Variants in ZNF608 observed in about 807,000 individuals in gnomAD.
The protein encoded by ZNF608 is renal carcinoma antigen NY-REN-36.
A neutral mutation model predicts 109.0 loss-of-function variants in ZNF608; 12 were observed. The ratio of observed to expected loss-of-function variants is 0.11; its 90% CI spans 0.07 to 0.18. The LOEUF (loss-of-function observed/expected upper bound fraction) is 0.18. ZNF608 is among the 10% of genes least tolerant of loss of function. ZNF608 has a pLI of 1.00. For synonymous variants in ZNF608, 732 were observed against 717.4 expected, an observed-to-expected ratio of 1.02 and a Z score of -0.33; for missense variants, 1,707 against 1,879.3, an observed-to-expected ratio of 0.91 and a Z score of 1.70.
intron 3 of ZNF608, among the ~76,000 whole-genome samples, chr5:124,697,998 C>T (rs750484774): frequency 3.9e-5 from 6 of 152,130 alleles, no homozygotes; most frequent in African/African-American, 1.4e-4. Context: ...ATACCAGGGA[C>T]GGGGTTTTAT....
In ZNF608 at chr5:124,637,258, C is replaced by G; in HGVS notation, c.*642G>C. The G allele has an allele frequency of 6.6e-6, 1 of 152,600 alleles. No individual in the cohort carries two copies. The highest frequency in any genetic ancestry group is 1.9e-4 in the East Asian group (1 of 5,200). The allele number at this position is 152,600 out of a possible 1,614,324, so 9.5% of individuals were successfully genotyped here. On this transcript the variant is annotated 3_prime_UTR_variant, in exon 10 of 10. Transcript: ENST00000513986. ...ATTTTAATCTTTACATTATATACAA[C>G]ACAGTTTTTGTGGTACTGGCAACCC...
intron 2 of ZNF608, among the ~76,000 whole-genome samples, chr5:124,732,996 T>A (rs949614632): frequency 2.0e-5 from 3 of 151,400 alleles, no homozygotes; most frequent in Admixed American, 6.6e-5. Context: ...GGCAGTTCTC[T>A]CCATTAAACA....
intron 2 of ZNF608, among the ~76,000 whole-genome samples, chr5:124,733,631 T>C (rs958013379): frequency 3.3e-5 from 5 of 152,190 alleles, no homozygotes; most frequent in African/African-American, 1.2e-4. Context: ...CAATCATTGC[T>C]ATTGTGAGCA....
intron 3 of ZNF608, among the ~76,000 whole-genome samples, chr5:124,690,006 C>T (rs180722398): frequency 6.6e-6 from 1 of 152,082 alleles, no homozygotes; most frequent in East Asian, 1.9e-4. Context: ...ACAAATAAAC[C>T]ATGATACATC....
At chr5:124,700,580 A>T (rs1463773409) in intron 3 of ZNF608, among the ~76,000 whole-genome samples, 1 of 152,242 alleles carries the variant, frequency 6.6e-6, no homozygotes, top group East Asian at 1.9e-4. Context: ...AATGATCCTC[A>T]CTATGTGCAA....
chr5:124,648,093 G>C lies in ZNF608; in HGVS notation c.2291C>G (p.Thr764Arg). The change falls in exon 5 of 10, where the codon ACA becomes AGA. Residue 764 changes from threonine (T) to arginine (R), a missense_variant. Physicochemically the swap from Thr to Arg is moderately conservative, Grantham distance 71. This residue lies in a region of ZNF608 where 1,073 missense variants were observed against 1,133.5 expected (regional missense o/e 0.95). Transcript: ENST00000513986. ...TATFTTTTTG[T>R]IPGLPSLTTT... ...TGTGAGGGAGGGCAGTCCGGGTATT[G>C]TCCCAGTGGTGGTCGTTGTAAAGGT... The C allele has an allele frequency of 6.2e-7, 1 of 1,614,012 alleles. No homozygotes were observed. The highest frequency in any genetic ancestry group is 8.5e-7 in the Non-Finnish European group (1 of 1,180,008).
chr5:124,649,574 A>G, intron 4 of ZNF608, 36 bp downstream of exon 4: 3 of 1,513,014 alleles, frequency 2.0e-6, no homozygotes, highest in Non-Finnish European at 1.8e-6. Flanking sequence ...CAAAGAGAGG[A>G]TGGGGAAGGA....
At position 124,744,360 on chromosome 5, in the gene ZNF608, G is replaced by T. The variant is rs760723371; in HGVS notation, c.630C>A (p.Ser210=). Residue 210 remains serine (S), a synonymous_variant, in exon 2 of 10, where the codon TCC becomes TCA. Coordinates refer to ENST00000513986, the MANE Select transcript of ZNF608 (RefSeq NM_020747.3). This position sits in a 1 kb window ranked among gnomAD's most constrained non-coding sequence, Gnocchi z 4.5. Reference sequence around the variant, plus strand: ...GAAGCAGGTCGTGCTTGTCCTTCCTGGATTTCCCCGCATCCTTATCCCGCT... The same window carrying T: ...GAAGCAGGTCGTGCTTGTCCTTCCTTGATTTCCCCGCATCCTTATCCCGCT... ...GAKRDKDAGK[S]RKDKHDLLQG... is the part of the protein sequence containing the mutation. 1.2e-5 allele frequency: 20 copies of T among 1,614,080 alleles called. 1 individual carries two copies. The highest frequency in any genetic ancestry group is 3.3e-5 in the Admixed American group (2 of 60,002).
In ZNF608 at chr5:124,729,299, C is replaced by T. The variant is rs59941681; in HGVS notation, c.906+14785G>A. ...CTGCAGTTTGGGAAGAACAGGCTAG[C>T]CCAGGCCTCCAAGAGCATCCCAGAG... On this transcript the variant is annotated intron_variant, in intron 2 of 9. Transcript: ENST00000513986. Among the ~76,000 whole-genome samples the T allele has an allele frequency of 3.3e-3, 501 of 152,308 alleles. 3 individuals are homozygous for T. Among genetic ancestry groups the T allele is most frequent in the African/African-American group, 0.012 (485 of 41,556 alleles).
At chr5:124,681,441 A>G (rs1752192545) in intron 3 of ZNF608, among the ~76,000 whole-genome samples, 1 of 152,166 alleles carries the variant, frequency 6.6e-6, no homozygotes, top group Non-Finnish European at 1.5e-5. Context: ...TGGGTGACAG[A>G]GCGAGACTCC....
chr5:124,727,289 T>G (rs1330730075), intron 2 of ZNF608, among the ~76,000 whole-genome samples: 2 of 152,202 alleles, frequency 1.3e-5, no homozygotes, highest in East Asian at 3.9e-4. Context: ...AATAAAAAAG[T>G]ATCACTGCTT....
In ZNF608 at chr5:124,746,209, T is replaced by C; in HGVS notation, c.-198A>G. The C allele has an allele frequency of 1.0e-6, 1 of 985,428 alleles. No individual in the cohort carries two copies. 61.0% of individuals were successfully genotyped at this position (985,428 alleles called of 1,614,324 possible). A position where few individuals can be genotyped will look rare whatever the true frequency, so the allele number is the denominator to read the frequency against. On this transcript the variant is annotated 5_prime_UTR_variant, in exon 1 of 10. Transcript: ENST00000513986. ...ACATTGCTTACCTTTTAATCCTTTA[T>C]CATTTTTTAATTAGGCCAGCAAATC...
At chr5:124,669,658 A>AACACACACACACACAC (rs56258363) in intron 3 of ZNF608, among the ~76,000 whole-genome samples, 2 of 148,156 alleles carry the variant, frequency 1.3e-5, no homozygotes, top group Admixed American at 6.7e-5. Flanking sequence ...AACACACACA[A>AACACACACACACACAC]ACACACACAC....
At chr5:124,742,126 C>T (rs1351612585) in intron 2 of ZNF608, among the ~76,000 whole-genome samples, 2 of 151,944 alleles carry the variant, frequency 1.3e-5, no homozygotes, top group Admixed American at 1.3e-4. Flanking sequence ...AGATGAGTTG[C>T]ATGTATATGA....
At chr5:124,653,725 C>T (rs1392530594) in intron 3 of ZNF608, among the ~76,000 whole-genome samples, 4 of 152,068 alleles carry the variant, frequency 2.6e-5, no homozygotes, top group African/African-American at 9.7e-5. Flanking sequence ...AGGCAGCCAG[C>T]CCAACAGGGA....
rs777203298 is a variant in ZNF608, at chr5:124,647,295, A to G, written c.3089T>C (p.Ile1030Thr). The G allele has an allele frequency of 2.5e-6, 4 of 1,614,094 alleles. No individual in the cohort carries two copies. Among genetic ancestry groups the G allele is most frequent in the Middle Eastern group, 1.6e-4 (1 of 6,062 alleles). Residue 1030 changes from isoleucine to threonine, a missense_variant, in exon 5 of 10, where the codon ATC becomes ACC. Ile to Thr is a moderately conservative substitution (Grantham distance 89, BLOSUM62 -1). Coordinates refer to ENST00000513986, the MANE Select transcript of ZNF608 (RefSeq NM_020747.3). The stretch of plus-strand genomic sequence containing the variant: ...AGCATCTTCCTCAGACTCCTTCTTG[A>G]TCTTCATTCCCTGCGTGCTCCCACT... The part of the protein sequence containing the change: ...GNSGSTQGMK[I>T]KKESEEDAEK...
chr5:124,699,291 T>C (rs1752958595), intron 3 of ZNF608, among the ~76,000 whole-genome samples: 2 of 152,144 alleles, frequency 1.3e-5, no homozygotes, highest in Non-Finnish European at 2.9e-5. Context: ...TGATAGAAGC[T>C]TGCTCCCCAC....
chr5:124,740,891 A>T (rs551202473), intron 2 of ZNF608, among the ~76,000 whole-genome samples: 10 of 152,334 alleles, frequency 6.6e-5, no homozygotes, highest in African/African-American at 2.4e-4. Flanking sequence ...CTTTACATAT[A>T]AACTGTTTAT....
chr5:124,714,491 T>A (rs1283479061), intron 2 of ZNF608, among the ~76,000 whole-genome samples: 1 of 152,182 alleles, frequency 6.6e-6, no homozygotes, highest in East Asian at 1.9e-4. Flanking sequence ...TAATATAGTG[T>A]AATAAATAGG....
Sources: allele counts gnomAD v4.1 joint callset (sites outside exome capture counted in the v4.1 genomes callset), GRCh38; gene constraint gnomAD v4.1.1; regional missense constraint gnomAD v4.1.1; non-coding constraint Gnocchi (gnomAD v3.1); transcripts MANE v1.5; gene names NCBI Gene and HGNC (gene_info 2026-07-23, HGNC 2026-07-21).